SV2B: variants seen among roughly 807,000 people sequenced by gnomAD.
The protein encoded by SV2B is solute carrier family 22 member B2.
A neutral mutation model predicts 73.9 loss-of-function variants in SV2B; 41 were observed. The ratio of observed to expected loss-of-function variants is 0.56; its 90% CI spans 0.43 to 0.72. The LOEUF is 0.72. SV2B is among the 30% of genes least tolerant of loss of function. SV2B has a pLI of 0.00. For synonymous variants in SV2B, 314 were observed against 314.2 expected (o/e 1.00, Z 0.01); for missense variants, 764 against 857.8 (o/e 0.89, Z 1.37).
At position 91,240,012 on chromosome 15, in the gene SV2B, A is replaced by G. The variant is rs945186408; in HGVS notation, c.452-11807A>G. Reference sequence around the variant, plus strand: ...TGAAGAGGACCTTGTTGAATGAACTATGATTGATCCCTTAGGGTTGAGTGT... The same window carrying G: ...TGAAGAGGACCTTGTTGAATGAACTGTGATTGATCCCTTAGGGTTGAGTGT... On this transcript the variant is annotated intron_variant, in intron 2 of 12. Coordinates refer to ENST00000394232, the MANE Select transcript of SV2B (RefSeq NM_001323032.3). The surrounding 1 kb of genome is among the most constrained non-coding windows in gnomAD (Gnocchi z 4.6). 6.6e-6 allele frequency among the ~76,000 whole-genome samples: 1 copy of G among 152,214 alleles called. No individual in the cohort carries two copies. Among genetic ancestry groups the G allele is most frequent in the South Asian group, 2.1e-4 (1 of 4,830 alleles).
In SV2B at chr15:91,240,794, G is replaced by A. The variant is rs769291697; in HGVS notation, c.452-11025G>A. On this transcript the variant is annotated intron_variant, in intron 2 of 12. Transcript: ENST00000394232. This position sits in a 1 kb window ranked among gnomAD's most constrained non-coding sequence, Gnocchi z 4.6. ...CCCGTATGACACTGTACATGCCTCCGTTCCCCTATGTTTCCCCCTTCTCCT... is the reference window on the plus strand; with the variant it reads ...CCCGTATGACACTGTACATGCCTCCATTCCCCTATGTTTCCCCCTTCTCCT... Among the ~76,000 whole-genome samples the A allele has an allele frequency of 1.2e-4, 19 of 152,078 alleles. No individual in the cohort carries two copies. Among genetic ancestry groups the A allele is most frequent in the Non-Finnish European group, 2.4e-4 (16 of 68,026 alleles).
chr15:91,208,397 C>CT (rs2045724436), intron 1 of SV2B, among the ~76,000 whole-genome samples: 1 of 152,158 alleles, frequency 6.6e-6, no homozygotes, highest in Non-Finnish European at 1.5e-5. Context: ...GAAAATAAAA[C>CT]AACATGATGT....
Position 91,220,071 on chromosome 15 carries a change from C to T in SV2B, c.-391-5802C>T, listed in dbSNP as rs1239626602. ...GGGGCAATTATAATGTTGCTATTAA[C>T]ATTTGTGTCCAAGTCTTTGTGTGGG... On this transcript the variant is annotated intron_variant, in intron 1 of 12. Coordinates refer to ENST00000394232, the MANE Select transcript of SV2B (RefSeq NM_001323032.3). This position sits in a 1 kb window ranked among gnomAD's most constrained non-coding sequence, Gnocchi z 4.1. 6.6e-6 allele frequency among the ~76,000 whole-genome samples: 1 copy of T among 152,194 alleles called. No homozygotes were observed. The highest frequency in any genetic ancestry group is 1.5e-5 in the Non-Finnish European group (1 of 68,036).
intron 1 of SV2B, among the ~76,000 whole-genome samples, chr15:91,165,766 A>G (rs2043891919): frequency 6.6e-6 from 1 of 152,230 alleles, no homozygotes; most frequent in Non-Finnish European, 1.5e-5. Flanking sequence ...TTCAACAGTC[A>G]TACATATTTT....
intron 1 of SV2B, among the ~76,000 whole-genome samples, chr15:91,196,765 T>G (rs915517146): frequency 6.6e-6 from 1 of 152,214 alleles, no homozygotes; most frequent in Non-Finnish European, 1.5e-5. Context: ...TGTGCCTACA[T>G]AGGTTTGTTG....
At chr15:91,186,463 T>TTA (rs2044773933) in intron 1 of SV2B, among the ~76,000 whole-genome samples, 1 of 152,206 alleles carries the variant, frequency 6.6e-6, no homozygotes, top group Admixed American at 6.5e-5. Flanking sequence ...CTGTGTGTCC[T>TTA]TTAGCAAGTC....
intron 2 of SV2B, among the ~76,000 whole-genome samples, chr15:91,249,074 A>T (rs56097435): frequency 4.3e-5 from 1 of 23,170 alleles, no homozygotes; most frequent in Non-Finnish European, 1.1e-4. Flanking sequence ...GTTTTCACAC[A>T]CACACACACA....
At position 91,236,616 on chromosome 15, in the gene SV2B, A is replaced by G. The variant is rs1387587255; in HGVS notation, c.451+9902A>G. Reference sequence around the variant, plus strand: ...GGGTTTAGAGATGGATCTTTTATAGAATCATAAAGGACTTTATTCTGGTTA... The same window carrying G: ...GGGTTTAGAGATGGATCTTTTATAGGATCATAAAGGACTTTATTCTGGTTA... On this transcript the variant is annotated intron_variant, in intron 2 of 12. Transcript: ENST00000394232. The surrounding 1 kb of genome is among the most constrained non-coding windows in gnomAD (Gnocchi z 4.1). 6.6e-6 allele frequency among the ~76,000 whole-genome samples: 1 copy of G among 152,190 alleles called. No individual in the cohort carries two copies.
intron 1 of SV2B, among the ~76,000 whole-genome samples, chr15:91,134,577 T>C (rs1050115983): frequency 1.3e-5 from 2 of 152,112 alleles, no homozygotes; most frequent in Non-Finnish European, 2.9e-5. Context: ...TGGAGCAACT[T>C]GGGAAGGTGG....
chr15:91,157,516 T>A (rs144493142), intron 1 of SV2B, among the ~76,000 whole-genome samples: 6 of 152,342 alleles, frequency 3.9e-5, no homozygotes, highest in East Asian at 1.9e-4. Flanking sequence ...GCTCTCTCGA[T>A]AAAAAATAAT....
chr15:91,281,649 C>T lies in SV2B; in HGVS notation c.1374-79C>T, dbSNP rs2048685394. 2.0e-6 allele frequency: 3 copies of T among 1,485,358 alleles called. No homozygotes were observed. Among genetic ancestry groups the T allele is most frequent in the Middle Eastern group, 1.9e-4 (1 of 5,212 alleles). 92.0% of individuals were successfully genotyped at this position (1,485,358 alleles called of 1,614,324 possible). ...TTTGCTTGCACATCTCCTTTTTCTGCCTTGCTGTGTTTTCCATTTTGGTCT... is the reference window on the plus strand; with the variant it reads ...TTTGCTTGCACATCTCCTTTTTCTGTCTTGCTGTGTTTTCCATTTTGGTCT... On this transcript the variant is annotated intron_variant, in intron 9 of 12. Transcript: ENST00000394232. The surrounding 1 kb of genome is among the most constrained non-coding windows in gnomAD (Gnocchi z 4.7).
intron 12 of SV2B, among the ~76,000 whole-genome samples, 189 bp from the exon 13 acceptor site, chr15:91,292,180 G>C (rs2049063973): frequency 6.6e-6 from 1 of 151,566 alleles, no homozygotes; most frequent in South Asian, 2.1e-4. Context: ...GAAGAGGTTA[G>C]ATATCCATGC....
At chr15:91,171,814 C>T (rs535575275) in intron 1 of SV2B, among the ~76,000 whole-genome samples, 10 of 152,236 alleles carry the variant, frequency 6.6e-5, no homozygotes, top group African/African-American at 1.9e-4. Context: ...AACAATGTTC[C>T]ATGGAGTGTT....
chr15:91,110,999 T>G lies in SV2B; in HGVS notation c.-392+10636T>G, dbSNP rs117038101. Reference sequence around the variant, plus strand: ...TGAGAAAGGGTATATGAAAACACGGTGGGGTGCTGAGCCAGCTTCTCCTAT... The same window carrying G: ...TGAGAAAGGGTATATGAAAACACGGGGGGGTGCTGAGCCAGCTTCTCCTAT... On this transcript the variant is annotated intron_variant, in intron 1 of 12. Transcript: ENST00000394232. The surrounding 1 kb of genome is among the most constrained non-coding windows in gnomAD (Gnocchi z 5.4). Among the ~76,000 whole-genome samples the G allele has an allele frequency of 0.037, 5,588 of 152,078 alleles. 140 individuals carry two copies. Among genetic ancestry groups the G allele is most frequent in the Non-Finnish European group, 0.054 (3,692 of 67,958 alleles).
intron 2 of SV2B, among the ~76,000 whole-genome samples, chr15:91,243,657 TC>T (rs1487649031): frequency 6.6e-6 from 1 of 152,172 alleles, no homozygotes; most frequent in Non-Finnish European, 1.5e-5. Flanking sequence ...TCTCATGGTT[TC>T]ATCTTGGTTA....
chr15:91,292,316 G>A (rs2049069113), intron 12 of SV2B, 53 bp from the exon 13 acceptor site: 1 of 1,570,858 alleles, frequency 6.4e-7, no homozygotes, highest in Non-Finnish European at 8.7e-7. Context: ...GCCCAGTCCT[G>A]TTCATCTAAT....
rs1352685762 is a variant in SV2B at position 91,140,766 on chromosome 15, T to G, written c.-392+40403T>G. 6.6e-6 allele frequency among the ~76,000 whole-genome samples: 1 copy of G among 152,190 alleles called. No individual in the cohort carries two copies. Among genetic ancestry groups the G allele is most frequent in the Non-Finnish European group, 1.5e-5 (1 of 68,038 alleles). On this transcript the variant is annotated intron_variant, in intron 1 of 12. Transcript: ENST00000394232. The surrounding 1 kb of genome is among the most constrained non-coding windows in gnomAD (Gnocchi z 4.4). ...ACCAAAGGCATGCTTCTGTTTGTCT[T>G]GAAGAAGTTTCTGGCATGGCTCAGT...
In SV2B at chr15:91,173,901, C is replaced by A. The variant is rs145053568; in HGVS notation, c.-391-51972C>A. Among the ~76,000 whole-genome samples, 398 of 152,194 alleles carry A rather than the reference C, an allele frequency of 2.6e-3. 1 individual carries two copies. The highest frequency in any genetic ancestry group is 8.7e-3 in the African/African-American group (361 of 41,528). On this transcript the variant is annotated intron_variant, in intron 1 of 12. Transcript: ENST00000394232. Reference sequence around the variant, plus strand: ...GATTATCTTTTCAGTACTTTGATGCCTTTTTCTTCTCTATCTGAGGGTTTC... The same window carrying A: ...GATTATCTTTTCAGTACTTTGATGCATTTTTCTTCTCTATCTGAGGGTTTC...
At chr15:91,147,859 A>G in intron 1 of SV2B, among the ~76,000 whole-genome samples, 1 of 147,412 alleles carries the variant, frequency 6.8e-6, no homozygotes, top group East Asian at 2.2e-4. Flanking sequence ...ATTCCTTATG[A>G]TTGTAAGATG....
Sources: gnomAD v4.1 joint callset for allele counts (sites outside exome capture counted in the v4.1 genomes callset) on GRCh38, gnomAD v4.1.1 for gene constraint, Gnocchi (gnomAD v3.1) non-coding constraint, MANE v1.5 for transcripts, NCBI Gene and HGNC (gene_info 2026-07-23, HGNC 2026-07-21) for gene names.